The following HEATR4 variants were observed in gnomAD, a reference collection of about 807,000 sequenced individuals.
HEATR4 encodes HEAT repeat containing 4, also known as HEAT repeat-containing protein 4.
In HEATR4, 95 loss-of-function variants were observed where a neutral mutation model predicts 108.8. The observed-to-expected ratio is 0.87, with a 90% CI of 0.74 to 1.04. The LOEUF (loss-of-function observed/expected upper bound fraction) is 1.04. Ranked by LOEUF, HEATR4 falls within the 50% of genes least tolerant of loss-of-function variation. The pLI is 0.00. For missense variants in HEATR4, 1,152 were observed against 1,253.8 expected, an observed-to-expected ratio of 0.92 and a Z score of 1.23; for synonymous variants, 443 against 459.4, an observed-to-expected ratio of 0.96 and a Z score of 0.46.
In HEATR4 at chr14:73,512,006, C is replaced by G; in HGVS notation, c.1558G>C (p.Asp520His). ...PRIATSQRDS[D>H]KTIQDLPEVL... Reference sequence around the variant, plus strand: ...CAAGCAGTTCAGCTTTGGCTCTCACCTGAGTCTCTCTGGCTGGTGGCAATC... The same window carrying G: ...CAAGCAGTTCAGCTTTGGCTCTCACGTGAGTCTCTCTGGCTGGTGGCAATC... Residue 520 changes from aspartate to histidine, a missense_variant and splice_region_variant, in exon 7 of 18, where the codon GAC becomes CAC. By Grantham distance (81) the Asp-to-His change is moderately conservative. Transcript: ENST00000553558. 6.2e-7 allele frequency: 1 copy of G among 1,613,922 alleles called. No homozygotes were observed. The highest frequency in any genetic ancestry group is 1.1e-5 in the South Asian group (1 of 91,072).
At chr14:73,592,447 C>T in the HEATR4 span, 1 of 1,468,380 alleles carries the variant, frequency 6.8e-7, no homozygotes, top group South Asian at 1.4e-5. Context: ...GTGGTGTGAG[C>T]GTCAGTGGCC....
the HEATR4 span, among the ~76,000 whole-genome samples, chr14:73,603,206 G>A: frequency 6.6e-6 from 1 of 152,184 alleles, no homozygotes; most frequent in Non-Finnish European, 1.5e-5. Flanking sequence ...TTACCAAGCT[G>A]TAAAGCAGGC....
At chr14:73,615,981 C>T in the HEATR4 span, among the ~76,000 whole-genome samples, 1 of 151,980 alleles carries the variant, frequency 6.6e-6, no homozygotes. Flanking sequence ...GTCACTTGAG[C>T]CCAAGGATTC....
At chr14:73,595,873 AC>A in the HEATR4 span, 1 of 429,248 alleles carries the variant, frequency 2.3e-6, no homozygotes, top group South Asian at 1.0e-4. Context: ...TAAGTGAAAA[AC>A]ATTCCCACCA....
rs2140274477 is a variant in HEATR4 at position 73,508,283 on chromosome 14, C to G, written c.1732G>C (p.Asp578His). ...AAGCACTGAGCTGCAGCCCAGCTAT[C>G]CACACTGTTACCTGCCACAGTTGGG... ...QTALLKGNSV[D>H]SWAAAQCLAL... Residue 578 changes from aspartate to histidine, a missense_variant, in exon 9 of 18, where the codon GAT becomes CAT. Physicochemically the swap from Asp to His is moderately conservative, Grantham distance 81. Coordinates refer to ENST00000553558, the MANE Select transcript of HEATR4 (RefSeq NM_001220484.1). 1.2e-6 allele frequency: 2 copies of G among 1,613,786 alleles called. No homozygotes were observed. Among genetic ancestry groups the G allele is most frequent in the Non-Finnish European group, 1.7e-6 (2 of 1,179,976 alleles).
intron 17 of HEATR4, among the ~76,000 whole-genome samples, chr14:73,484,441 C>T (rs748444546): frequency 1.3e-5 from 2 of 151,904 alleles, no homozygotes; most frequent in South Asian, 2.1e-4. Context: ...TGCAGTGGCG[C>T]GATCCTGGCT....
intron 1 of HEATR4, among the ~76,000 whole-genome samples, chr14:73,544,789 A>T (rs1422781606): frequency 1.8e-5 from 2 of 112,094 alleles, no homozygotes; most frequent in Middle Eastern, 4.3e-3. Context: ...AATACCAGAC[A>T]TTGTGGCGGA....
At chr14:73,482,051 G>A (rs972520252) in intron 17 of HEATR4, among the ~76,000 whole-genome samples, 1 of 151,922 alleles carries the variant, frequency 6.6e-6, no homozygotes, top group Admixed American at 6.6e-5. Context: ...AGAAAAATCA[G>A]TGGTTGACAG....
Position 73,514,146 on chromosome 14 carries a change from C to T in HEATR4, c.1299G>A (p.Val433=). Residue 433 remains valine, a synonymous_variant, in exon 6 of 18, where the codon GTG becomes GTA. Transcript: ENST00000553558. ...DMLLQVGEKD[V]PIKTRRLKKQ... is the part of the protein sequence containing the mutation. ...TCTTCAATCTCCTGGTCTTAATAGG[C>T]ACATCCTTCTCACCCACCTGCAGCA... 1.2e-6 allele frequency: 2 copies of T among 1,614,206 alleles called. No homozygotes were observed. Among genetic ancestry groups the T allele is most frequent in the Non-Finnish European group, 1.7e-6 (2 of 1,180,034 alleles).
intron 17 of HEATR4, among the ~76,000 whole-genome samples, chr14:73,481,541 A>G (rs1566815025): frequency 1.4e-5 from 2 of 147,880 alleles, no homozygotes; most frequent in African/African-American, 2.5e-5. Flanking sequence ...AGACAAAGCT[A>G]TAGAGATAGT....
At chr14:73,499,503 A>T (rs929438078) in intron 12 of HEATR4, among the ~76,000 whole-genome samples, 1 of 152,084 alleles carries the variant, frequency 6.6e-6, no homozygotes, top group African/African-American at 2.4e-5. Flanking sequence ...AACAAAACAA[A>T]GCAAAAGAAT....
At chr14:73,582,636 T>G in the HEATR4 span, 1 of 151,992 alleles carries the variant, frequency 6.6e-6, no homozygotes, top group Non-Finnish European at 1.5e-5. Flanking sequence ...CATGGAGATG[T>G]AATATGCTAA....
chr14:73,563,526 T>C (rs560638430), upstream of HEATR4, among the ~76,000 whole-genome samples: 3 of 151,618 alleles, frequency 2.0e-5, no homozygotes, highest in East Asian at 5.8e-4. Flanking sequence ...ACCCGGGAGG[T>C]GGAGGTTGCA....
chr14:73,536,513 C>CT (rs1269390598), intron 1 of HEATR4, among the ~76,000 whole-genome samples: 1 of 54,602 alleles, frequency 1.8e-5, no homozygotes, highest in African/African-American at 7.4e-5. Context: ...GACCCTGTCT[C>CT]TTTAAAAAAA....
At chr14:73,569,412 A>T in the HEATR4 span, 8 of 1,613,856 alleles carry the variant, frequency 5.0e-6, no homozygotes, top group Non-Finnish European at 5.9e-6. Flanking sequence ...TCAGATCATT[A>T]GGGTTCCTGC....
At chr14:73,591,894 C>T in the HEATR4 span, 15 of 1,314,962 alleles carry the variant, frequency 1.1e-5, no homozygotes, top group Admixed American at 5.0e-4. Context: ...GGACATTCGG[C>T]GCGCTTGCCA....
At chr14:73,595,763 T>G in the HEATR4 span, 1 of 1,302,640 alleles carries the variant, frequency 7.7e-7, no homozygotes, top group Non-Finnish European at 1.0e-6. Flanking sequence ...GTCTTTGTCA[T>G]TAATGGTGTA....
At chr14:73,633,576 T>C in the HEATR4 span, 1 of 152,226 alleles carries the variant, frequency 6.6e-6, no homozygotes, top group Non-Finnish European at 1.5e-5. Flanking sequence ...CCTAGCACAC[T>C]TGGCCTCCTT....
Position 73,502,884 on chromosome 14 carries a change from C to G in HEATR4, c.2105+11G>C, listed in dbSNP as rs1195019917. Reference sequence around the variant, plus strand: ...TTAGAAGAGTGTCTCCTCATGTTGACTGGGTCTTACCTGATTATGTCGTGC... The same window carrying G: ...TTAGAAGAGTGTCTCCTCATGTTGAGTGGGTCTTACCTGATTATGTCGTGC... On this transcript the variant is annotated intron_variant, in intron 11 of 17. Transcript: ENST00000553558. 2 of 1,596,344 alleles carry G rather than the reference C, an allele frequency of 1.3e-6. No homozygotes were observed. Among genetic ancestry groups the G allele is most frequent in the African/African-American group, 2.7e-5 (2 of 74,586 alleles).
Sources: gnomAD v4.1 joint callset for allele counts (sites outside exome capture counted in the v4.1 genomes callset) on GRCh38, gnomAD v4.1.1 for gene constraint, MANE v1.5 for transcripts, NCBI Gene and HGNC (gene_info 2026-07-23, HGNC 2026-07-21) for gene names.